Variants in VAV2 observed in about 807,000 individuals in gnomAD.
The protein encoded by VAV2 is guanine nucleotide exchange factor VAV2.
VAV2 carries 67 observed loss-of-function variants against 132.5 expected under a neutral mutation model. That is an observed-to-expected ratio of 0.51 (90% CI 0.42 to 0.62). The LOEUF (loss-of-function observed/expected upper bound fraction) is 0.62, where lower values mean the gene tolerates loss of function less well. VAV2 is among the 20% of genes least tolerant of loss of function. The pLI is 0.00. For missense variants in VAV2, 938 were observed against 1,153.6 expected (o/e 0.81, Z 2.71); for synonymous variants, 492 against 443.5 (o/e 1.11, Z -1.37).
chr9:133,795,588 G>A (rs563473112), intron 12 of VAV2, 80 bp downstream of exon 12: 8 of 1,542,640 alleles, frequency 5.2e-6, no homozygotes, highest in Admixed American at 1.7e-5. Flanking sequence ...ACTGAGGCTC[G>A]TTAATGAGCC....
intron 2 of VAV2, among the ~76,000 whole-genome samples, chr9:133,894,100 G>C (rs1276764799): frequency 2.6e-5 from 4 of 152,228 alleles, no homozygotes; most frequent in Admixed American, 2.6e-4. Flanking sequence ...TCAGAATTCA[G>C]GGAAGCTGCA....
chr9:133,790,732 T>A lies in VAV2; in HGVS notation c.1188+1051A>T, dbSNP rs900179534. On this transcript the variant is annotated intron_variant, in intron 13 of 29. Coordinates refer to ENST00000371850, the MANE Select transcript of VAV2 (RefSeq NM_001134398.2). The stretch of plus-strand genomic sequence containing the variant: ...CAGTATCATAATGCCCTTCAGAAGC[T>A]TATTTTTTTTTTCTTTCATCGCCGA... Among the ~76,000 whole-genome samples the A allele has an allele frequency of 2.6e-5, 4 of 151,916 alleles. No homozygotes were observed. The Admixed American group carries it at 2.6e-4, about 10-fold the overall frequency.
intron 1 of VAV2, among the ~76,000 whole-genome samples, chr9:133,960,055 G>A (rs1457080207): frequency 2.0e-5 from 3 of 152,154 alleles, no homozygotes; most frequent in African/African-American, 7.2e-5. Context: ...CCTTACAACC[G>A]CCAGGCCCTC....
intron 1 of VAV2, among the ~76,000 whole-genome samples, chr9:133,951,043 C>T (rs1216238441): frequency 2.0e-5 from 3 of 152,194 alleles, no homozygotes; most frequent in South Asian, 2.1e-4. Context: ...TCTGAAGGAA[C>T]GATTCTCGCT....
At chr9:133,821,833 T>G (rs1327987621) in intron 4 of VAV2, among the ~76,000 whole-genome samples, 1 of 152,176 alleles carries the variant, frequency 6.6e-6, no homozygotes, top group Admixed American at 6.5e-5. Context: ...CGGCCAGACC[T>G]GGGCCCCAGC....
intron 1 of VAV2, among the ~76,000 whole-genome samples, chr9:133,971,235 G>A (rs1842323971): frequency 6.6e-6 from 1 of 152,174 alleles, no homozygotes; most frequent in African/African-American, 2.4e-5. Context: ...CCTGTCGGGG[G>A]CAGGGAAAGC....
chr9:133,955,098 G>A (rs1161366867), intron 1 of VAV2, among the ~76,000 whole-genome samples: 1 of 151,988 alleles, frequency 6.6e-6, no homozygotes, highest in Non-Finnish European at 1.5e-5. Context: ...CCTGCAGATG[G>A]GAGGCAGCGG....
At chr9:133,886,588 G>T (rs2131955848) in intron 2 of VAV2, among the ~76,000 whole-genome samples, 1 of 152,290 alleles carries the variant, frequency 6.6e-6, no homozygotes, top group Admixed American at 6.5e-5. Flanking sequence ...CTGTGTCTGG[G>T]GGGTGCAAAT....
intron 2 of VAV2, among the ~76,000 whole-genome samples, chr9:133,872,598 G>C (rs1838100640): frequency 6.6e-6 from 1 of 152,166 alleles, no homozygotes; most frequent in African/African-American, 2.4e-5. Context: ...TGGCAGGGAA[G>C]CCCCGGGGGT....
chr9:133,881,279 T>G (rs1045583236), intron 2 of VAV2, among the ~76,000 whole-genome samples: 1 of 152,246 alleles, frequency 6.6e-6, no homozygotes, highest in African/African-American at 2.4e-5. Context: ...TATCTGCAGA[T>G]AGCGGAGCGC....
chr9:133,827,715 GGGCTGACCACTGAGCAC>G (rs1836083390), intron 4 of VAV2, among the ~76,000 whole-genome samples: 1 of 8,776 alleles, frequency 1.1e-4, no homozygotes, highest in Admixed American at 5.5e-4. Context: ...GCGCCCACTG[GGGCTGACCACTGAGCAC>G]GGGCATCACC....
At chr9:133,784,579 A>T (rs1310783031) in intron 17 of VAV2, among the ~76,000 whole-genome samples, 161 bp from the exon 18 acceptor site, 1 of 152,214 alleles carries the variant, frequency 6.6e-6, no homozygotes, top group East Asian at 1.9e-4. Context: ...GGGCAGACTC[A>T]GGGCCCAGAC....
At chr9:133,977,926 G>C (rs1842566204) in intron 1 of VAV2, among the ~76,000 whole-genome samples, 1 of 103,868 alleles carries the variant, frequency 9.6e-6, no homozygotes, top group South Asian at 2.5e-4. Flanking sequence ...ACCTGCCCTG[G>C]GGCACGCAGC....
At position 133,872,223 on chromosome 9, in the gene VAV2, G is replaced by A. The variant is rs1269396442; in HGVS notation, c.322-10791C>T. On this transcript the variant is annotated intron_variant, in intron 2 of 29. Transcript: ENST00000371850. ...CAGTGACCTGGCCGACCCCAAGAGG[G>A]AAGAGAAGAAAGGGGCAGGGGCAGG... 8.0e-5 allele frequency among the ~76,000 whole-genome samples: 12 copies of A among 149,246 alleles called. No individual in the cohort carries two copies. In the East Asian group the frequency reaches 2.1e-3, roughly 27 times the overall value.
chr9:133,780,726 G>A lies in VAV2; in HGVS notation c.1724-16C>T. 7.9e-7 allele frequency: 1 copy of A among 1,273,384 alleles called. No individual in the cohort carries two copies. Among genetic ancestry groups the A allele is most frequent in the Non-Finnish European group, 1.0e-6 (1 of 1,001,444 alleles). The allele number at this position is 1,273,384 out of a possible 1,614,324, so 78.9% of individuals were successfully genotyped here. Reference sequence around the variant, plus strand: ...GCAGGAGAAGCTGGAAAGGAAGCAGGTCAGGTGTTAGAGGGGAGGCCACCG... The same window carrying A: ...GCAGGAGAAGCTGGAAAGGAAGCAGATCAGGTGTTAGAGGGGAGGCCACCG... On this transcript the variant is annotated splice_polypyrimidine_tract_variant and intron_variant, in intron 19 of 29. Transcript: ENST00000371850.
At chr9:133,898,609 A>T (rs899170726) in intron 2 of VAV2, among the ~76,000 whole-genome samples, 5 of 152,190 alleles carry the variant, frequency 3.3e-5, no homozygotes, top group African/African-American at 1.2e-4. Flanking sequence ...AATAAAAAAT[A>T]AATAAAAAGA....
In VAV2 at chr9:133,826,379, T is replaced by G. The variant is rs1835988516; in HGVS notation, c.449+7893A>C. 6.6e-6 allele frequency among the ~76,000 whole-genome samples: 1 copy of G among 152,088 alleles called. No homozygotes were observed. Among genetic ancestry groups the G allele is most frequent in the Admixed American group, 6.5e-5 (1 of 15,272 alleles). ...CTCCCCGCTCGCACTCAGGGGCAGC[T>G]CTCCCTTCAAGGATGCTCCTGCTCA... On this transcript the variant is annotated intron_variant, in intron 4 of 29. Coordinates refer to ENST00000371850, the MANE Select transcript of VAV2 (RefSeq NM_001134398.2). This position sits in a 1 kb window ranked among gnomAD's most constrained non-coding sequence, Gnocchi z 4.2.
chr9:133,858,100 C>T (rs1043593067), intron 3 of VAV2, among the ~76,000 whole-genome samples: 2 of 152,196 alleles, frequency 1.3e-5, no homozygotes, highest in Non-Finnish European at 2.9e-5. Context: ...TTGCTCAGCT[C>T]CTAGGAGATG....
chr9:133,783,360 C>T, intron 19 of VAV2, 143 bp downstream of exon 19: 1 of 742,754 alleles, frequency 1.3e-6, no homozygotes, highest in Non-Finnish European at 2.4e-6. Context: ...CTGGTGTCTG[C>T]TCTGGGGCAC....
Sources: allele counts gnomAD v4.1 joint callset (sites outside exome capture counted in the v4.1 genomes callset), GRCh38; gene constraint gnomAD v4.1.1; non-coding constraint Gnocchi (gnomAD v3.1); transcripts MANE v1.5; gene names NCBI Gene and HGNC (gene_info 2026-07-23, HGNC 2026-07-21).